THSD4: variants seen among roughly 807,000 people sequenced by gnomAD.
THSD4 encodes thrombospondin type 1 domain containing 4.
Under a neutral mutation model 119.0 loss-of-function variants are expected in THSD4, and 69 were observed. The observed-to-expected ratio is 0.58, with a 90% CI of 0.48 to 0.71. THSD4 has a LOEUF of 0.71. Ranked by LOEUF, THSD4 falls within the 30% of genes least tolerant of loss-of-function variation. The pLI is 0.00. For synonymous variants in THSD4, 524 were observed against 540.4 expected (o/e 0.97, Z 0.42); for missense variants, 1,393 against 1,391.1 (o/e 1.00, Z -0.02).
At chr15:71,682,332 A>G (rs1194808203) in intron 8 of THSD4, among the ~76,000 whole-genome samples, 1 of 152,258 alleles carries the variant, frequency 6.6e-6, no homozygotes, top group African/African-American at 2.4e-5. Context: ...ATTCAAAACT[A>G]TAAGTACAGC....
chr15:71,400,723 C>T (rs2046518868), intron 6 of THSD4, among the ~76,000 whole-genome samples: 1 of 152,126 alleles, frequency 6.6e-6, no homozygotes, highest in Non-Finnish European at 1.5e-5. Context: ...TTCATTTACA[C>T]TTCACTCATC....
chr15:71,125,865 C>T (rs76119518), intron 1 of THSD4, among the ~76,000 whole-genome samples: 5,904 of 152,308 alleles, frequency 0.039, 162 homozygotes, highest in Middle Eastern at 0.088. Context: ...ATGGGAGACC[C>T]GTCTTAAGTA....
chr15:71,282,966 A>ATTTTT (rs573742429), intron 6 of THSD4, among the ~76,000 whole-genome samples: 2 of 131,018 alleles, frequency 1.5e-5, no homozygotes, highest in African/African-American at 3.0e-5. Flanking sequence ...GGCAGGTTAG[A>ATTTTT]TTTTTTTTTT....
chr15:71,616,238 A>G (rs1501428), intron 7 of THSD4, among the ~76,000 whole-genome samples: 55,158 of 152,032 alleles, frequency 0.36, 10,057 homozygotes, highest in East Asian at 0.4. Flanking sequence ...TGGTCAGAAA[A>G]TTGGAACTGA....
intron 7 of THSD4, among the ~76,000 whole-genome samples, chr15:71,551,032 A>G (rs1490594578): frequency 2.0e-5 from 3 of 152,214 alleles, no homozygotes; most frequent in Non-Finnish European, 4.4e-5. Flanking sequence ...CTGAGTGTGT[A>G]AAATGTTCTA....
intron 6 of THSD4, among the ~76,000 whole-genome samples, chr15:71,402,820 G>A (rs1596404530): frequency 6.6e-6 from 1 of 152,146 alleles, no homozygotes; most frequent in Admixed American, 6.5e-5. Context: ...CCATAGTGAA[G>A]CATCCACTAC....
At chr15:71,434,464 A>ATTTTTTTTTGTTTTTTT in intron 7 of THSD4, among the ~76,000 whole-genome samples, 1 of 40,148 alleles carries the variant, frequency 2.5e-5, no homozygotes, top group Non-Finnish European at 5.9e-5. Context: ...TTTTTTTTTA[A>ATTTTTTTTTGTTTTTTT]TTTCTGAAGG....
intron 3 of THSD4, chr15:71,185,966 C>G (rs1213984289): frequency 6.6e-6 from 1 of 152,296 alleles, no homozygotes; most frequent in East Asian, 1.9e-4. Flanking sequence ...TGACAACCAA[C>G]GTTTGTTAAA....
chr15:71,199,452 TGGGGGGG>T (rs770518842), intron 3 of THSD4, among the ~76,000 whole-genome samples: 1 of 109,116 alleles, frequency 9.2e-6, no homozygotes. Flanking sequence ...TGTGTGTGTG[TGGGGGGG>T]GGTGTGTGTG....
chr15:71,566,397 C>T (rs754109938), intron 7 of THSD4, among the ~76,000 whole-genome samples: 13 of 152,322 alleles, frequency 8.5e-5, no homozygotes, highest in Non-Finnish European at 1.5e-4. Context: ...CCAGTACTTA[C>T]TGAGCATCTA....
At chr15:71,306,435 C>G (rs147879288) in intron 6 of THSD4, among the ~76,000 whole-genome samples, 42 of 151,560 alleles carry the variant, frequency 2.8e-4, no homozygotes, top group Non-Finnish European at 5.3e-4. Flanking sequence ...ACAGAGGTCA[C>G]ACCCAGATTT....
At chr15:71,745,971 G>A (rs2053329236) in intron 12 of THSD4, among the ~76,000 whole-genome samples, 1 of 152,098 alleles carries the variant, frequency 6.6e-6, no homozygotes, top group Non-Finnish European at 1.5e-5. Flanking sequence ...ATGATAAATG[G>A]GACACTTGAA....
At chr15:71,351,189 A>G (rs1008326350) in intron 6 of THSD4, among the ~76,000 whole-genome samples, 2 of 152,140 alleles carry the variant, frequency 1.3e-5, no homozygotes, top group Non-Finnish European at 1.5e-5. Context: ...TGGTAAATCA[A>G]TCACAGGCCA....
At chr15:71,368,761 T>A (rs531607508) in intron 6 of THSD4, among the ~76,000 whole-genome samples, 1 of 152,156 alleles carries the variant, frequency 6.6e-6, no homozygotes, top group African/African-American at 2.4e-5. Flanking sequence ...TTGTCTTGGC[T>A]ATGTGCGCTC....
intron 7 of THSD4, among the ~76,000 whole-genome samples, chr15:71,472,462 A>G (rs1370656465): frequency 2.6e-5 from 4 of 152,164 alleles, no homozygotes. Context: ...ATCCTTTCCA[A>G]CAAGACTTGG....
At chr15:71,147,690 A>G (rs536041470) in intron 2 of THSD4, 10 of 152,334 alleles carry the variant, frequency 6.6e-5, no homozygotes, top group African/African-American at 2.4e-4. Flanking sequence ...TGTGTAGGCC[A>G]GAAAGGTGGC....
At chr15:71,521,793 A>G (rs1289439810) in intron 7 of THSD4, among the ~76,000 whole-genome samples, 1 of 152,208 alleles carries the variant, frequency 6.6e-6, no homozygotes, top group Non-Finnish European at 1.5e-5. Flanking sequence ...TACGAGTAAT[A>G]GACATGTGTT....
At chr15:71,432,664 TATAA>T in intron 7 of THSD4, among the ~76,000 whole-genome samples, 1 of 152,110 alleles carries the variant, frequency 6.6e-6, no homozygotes, top group Non-Finnish European at 1.5e-5. Flanking sequence ...AATGAAATCT[TATAA>T]ATAAACCTAT....
chr15:71,330,154 C>A (rs1034067310), intron 6 of THSD4, among the ~76,000 whole-genome samples: 1 of 151,502 alleles, frequency 6.6e-6, no homozygotes, highest in Non-Finnish European at 1.5e-5. Context: ...CTGGGCCAAA[C>A]GAGGAGGGGT....
Sources: gnomAD v4.1 joint callset for allele counts (sites outside exome capture counted in the v4.1 genomes callset) on GRCh38, gnomAD v4.1.1 for gene constraint, MANE v1.5 for transcripts, NCBI Gene and HGNC (gene_info 2026-07-23, HGNC 2026-07-21) for gene names.